Variants in POLR2F observed in about 807,000 individuals in gnomAD.
POLR2F encodes RNA polymerase II, I and III subunit F.
POLR2F carries 12 observed loss-of-function variants against 22.7 expected under a neutral mutation model. The observed-to-expected ratio is 0.53, with a 90% CI of 0.34 to 0.86. The LOEUF (loss-of-function observed/expected upper bound fraction) is 0.86. Ranked by LOEUF, POLR2F falls within the 40% of genes least tolerant of loss-of-function variation. The pLI, the probability that POLR2F is intolerant of heterozygous loss-of-function variation, is 0.02. For synonymous variants in POLR2F, 57 were observed against 66.0 expected (o/e 0.86, Z 0.66); for missense variants, 126 against 171.5 (o/e 0.73, Z 1.48).
chr22:37,983,079 A>T (rs1349532003), upstream of POLR2F, among the ~76,000 whole-genome samples: 1 of 152,168 alleles, frequency 6.6e-6, no homozygotes. This position sits in a 1 kb window ranked among gnomAD's most constrained non-coding sequence, Gnocchi z 9.5. Context: ...CCAAAGCCCC[A>T]GGCCCCACGG....
intron 1 of POLR2F, among the ~76,000 whole-genome samples, chr22:38,024,064 G>A (rs965537809): frequency 2.6e-5 from 4 of 151,948 alleles, no homozygotes; most frequent in East Asian, 1.9e-4. Flanking sequence ...GGCTGGTCTC[G>A]AACTCCTGAC....
intron 1 of POLR2F, among the ~76,000 whole-genome samples, chr22:38,005,108 T>C (rs1189748030): frequency 6.6e-6 from 1 of 152,248 alleles, no homozygotes; most frequent in African/African-American, 2.4e-5. Context: ...CATCTCTTGC[T>C]CCATACTGAC....
At chr22:38,020,594 T>C (rs1188681813) in intron 1 of POLR2F, among the ~76,000 whole-genome samples, 2 of 151,858 alleles carry the variant, frequency 1.3e-5, no homozygotes, top group Non-Finnish European at 2.9e-5. Flanking sequence ...AAAGAAAATT[T>C]AGCTAAGTGT....
At position 37,977,757 on chromosome 22, in the gene POLR2F, G is replaced by T. The variant is rs1932265757; in HGVS notation, c.293+10587G>T. The T allele has an allele frequency of 3.2e-6, 4 of 1,241,588 alleles. No homozygotes were observed. The East Asian group carries it at 7.0e-5, about 22-fold the overall frequency. The allele number at this position is 1,241,588 out of a possible 1,614,324, so 76.9% of individuals were successfully genotyped here. ...CCCCTGCAGCTCTGCTGGGGCAACTGCACAGCCTGGCACGCTCTCCCTAGA... is the reference window on the plus strand; with the variant it reads ...CCCCTGCAGCTCTGCTGGGGCAACTTCACAGCCTGGCACGCTCTCCCTAGA... On this transcript the variant is annotated intron_variant, in intron 4 of 4. Coordinates refer to the POLR2F transcript ENST00000405557.
downstream of POLR2F, among the ~76,000 whole-genome samples, chr22:38,031,172 G>GATTA (rs1422000485): frequency 1.3e-5 from 2 of 152,190 alleles, no homozygotes; most frequent in Admixed American, 6.5e-5. The surrounding 1 kb of genome is among the most constrained non-coding windows in gnomAD (Gnocchi z 4.1). Context: ...CAGGGGTTAA[G>GATTA]AGCGAGAGTT....
chr22:38,037,248 C>CTTGTTATGTTATG (rs2145836593), intron 5 of POLR2F, among the ~76,000 whole-genome samples: 1 of 149,512 alleles, frequency 6.7e-6, no homozygotes, highest in African/African-American at 2.5e-5. Context: ...AATGAGCAAC[C>CTTGTTATGTTATG]TTATGTTATG....
chr22:37,974,272 TC>T, downstream of POLR2F: 1 of 1,161,336 alleles, frequency 8.6e-7, no homozygotes, highest in Non-Finnish European at 1.2e-6. This position sits in a 1 kb window ranked among gnomAD's most constrained non-coding sequence, Gnocchi z 5.4. Context: ...CACGTGAACT[TC>T]CATGGTTCAC....
At chr22:37,988,674 C>A (rs61199507) in intron 1 of POLR2F, 6,267 of 154,134 alleles carry the variant, frequency 0.041, 276 homozygotes, top group African/African-American at 0.11. Flanking sequence ...ACAACAACAA[C>A]AAAAAAACAT....
At chr22:37,976,440 G>A (rs565338333) in intron 4 of POLR2F, among the ~76,000 whole-genome samples, 5 of 152,322 alleles carry the variant, frequency 3.3e-5, no homozygotes, top group African/African-American at 1.2e-4. Context: ...GCCAGGGACT[G>A]TAGGCTTCTC....
intron 1 of POLR2F, among the ~76,000 whole-genome samples, chr22:38,002,765 G>A (rs1453134524): frequency 1.3e-5 from 2 of 151,164 alleles, no homozygotes; most frequent in African/African-American, 2.4e-5. Context: ...TTGCTCTATC[G>A]CCCAGGCTGG....
intron 1 of POLR2F, among the ~76,000 whole-genome samples, chr22:38,020,515 C>T (rs947511036): frequency 4.0e-5 from 6 of 151,194 alleles, no homozygotes; most frequent in Admixed American, 1.3e-4. Flanking sequence ...CTGGTCCTGC[C>T]GGCCTCGGCC....
intron 1 of POLR2F, among the ~76,000 whole-genome samples, chr22:38,019,940 GGAGGCAGAGGTTGCGGT>G (rs2084945821): frequency 6.6e-6 from 1 of 152,128 alleles, no homozygotes; most frequent in Non-Finnish European, 1.5e-5. Flanking sequence ...CTTGAACCCG[GGAGGCAGAGGTTGCGGT>G]GAGCCGAGAT....
At chr22:37,957,136 A>T (rs377505256) in intron 2 of POLR2F, among the ~76,000 whole-genome samples, 4 of 152,326 alleles carry the variant, frequency 2.6e-5, no homozygotes, top group African/African-American at 9.6e-5. Flanking sequence ...TGTTTATTAT[A>T]TGCCAGGTGC....
upstream of POLR2F, among the ~76,000 whole-genome samples, chr22:37,985,500 C>T (rs73415881): frequency 0.025 from 3,766 of 152,228 alleles, 156 homozygotes; most frequent in African/African-American, 0.086. Context: ...CTTGGCCTCT[C>T]CTCCAAAGGT....
chr22:37,999,214 A>G (rs2084746769), intron 1 of POLR2F, among the ~76,000 whole-genome samples: 1 of 152,092 alleles, frequency 6.6e-6, no homozygotes, highest in Non-Finnish European at 1.5e-5. Context: ...GTGGAGTGCC[A>G]GCCTGGGGTC....
At chr22:38,005,613 T>A (rs549877428) in intron 1 of POLR2F, among the ~76,000 whole-genome samples, 1 of 152,124 alleles carries the variant, frequency 6.6e-6, no homozygotes, top group Non-Finnish European at 1.5e-5. Flanking sequence ...TGGAAGGCAG[T>A]TGGTGATAGA....
At chr22:38,007,562 C>T (rs2084832751) in intron 1 of POLR2F, among the ~76,000 whole-genome samples, 1 of 152,218 alleles carries the variant, frequency 6.6e-6, no homozygotes, top group Admixed American at 6.5e-5. Context: ...CCTCCAAGAC[C>T]CGCTTTCACG....
At position 37,953,739 on chromosome 22, in the gene POLR2F, G is replaced by A; in HGVS notation, c.-49G>A. On this transcript the variant is annotated 5_prime_UTR_variant, in exon 1 of 5. Transcript: ENST00000442738. ...CGAGTCGTAGTGTCGCTGTTTGCGGGTCTCCGCGCGGGACCGGGGCGCAGC... is the reference window on the plus strand; with the variant it reads ...CGAGTCGTAGTGTCGCTGTTTGCGGATCTCCGCGCGGGACCGGGGCGCAGC... 1.9e-6 allele frequency: 3 copies of A among 1,594,090 alleles called. No homozygotes were observed. Among genetic ancestry groups the A allele is most frequent in the Non-Finnish European group, 8.5e-7 (1 of 1,174,206 alleles).
chr22:37,967,030 C>A, intron 3 of POLR2F, 69 bp from the exon 4 acceptor site: 1 of 1,166,822 alleles, frequency 8.6e-7, no homozygotes, highest in Non-Finnish European at 1.2e-6. Flanking sequence ...TGCCGTTCCA[C>A]CCTCACTGCC....
Sources: gnomAD v4.1 joint callset for allele counts (sites outside exome capture counted in the v4.1 genomes callset) on GRCh38, gnomAD v4.1.1 for gene constraint, Gnocchi (gnomAD v3.1) non-coding constraint, MANE v1.5 for transcripts, NCBI Gene and HGNC (gene_info 2026-07-23, HGNC 2026-07-21) for gene names.